The following SEMA6D variants were observed in gnomAD, a reference collection of about 807,000 sequenced individuals.
The protein encoded by SEMA6D is semaphorin-6D.
A neutral mutation model predicts 106.6 loss-of-function variants in SEMA6D; 35 were observed. That is an observed-to-expected ratio of 0.33 (90% CI 0.25 to 0.44). The LOEUF is 0.44. Among genes scored for constraint, SEMA6D ranks in the 20% least tolerant of loss-of-function variants. The pLI, the probability that SEMA6D is intolerant of heterozygous loss-of-function variation, is 1.00. For synonymous variants in SEMA6D, 499 were observed against 487.7 expected, an observed-to-expected ratio of 1.02 and a Z score of -0.31; for missense variants, 1,185 against 1,345.9, an observed-to-expected ratio of 0.88 and a Z score of 1.87.
At chr15:47,739,890 A>G (rs4775706) in intron 1 of SEMA6D, among the ~76,000 whole-genome samples, 31,679 of 152,202 alleles carry the variant, frequency 0.21, 3,805 homozygotes, top group Middle Eastern at 0.28. Flanking sequence ...AATAGCTAAT[A>G]CTAATTGTAC....
intron 2 of SEMA6D, among the ~76,000 whole-genome samples, chr15:47,453,429 G>A (rs1169372611): frequency 6.6e-6 from 1 of 151,924 alleles, no homozygotes; most frequent in Non-Finnish European, 1.5e-5. Context: ...TAGAGGTTAT[G>A]ACAACAGCTA....
intron 1 of SEMA6D, among the ~76,000 whole-genome samples, chr15:47,398,983 T>C (rs1483705922): frequency 6.6e-6 from 1 of 152,198 alleles, no homozygotes; most frequent in Non-Finnish European, 1.5e-5. Context: ...AATACATTAC[T>C]GAAATACTGA....
intron 3 of SEMA6D, among the ~76,000 whole-genome samples, chr15:47,489,204 C>T (rs1279207204): frequency 6.6e-6 from 1 of 152,130 alleles, no homozygotes; most frequent in African/African-American, 2.4e-5. Flanking sequence ...AGCCAAGGAA[C>T]ACTTGGAGCC....
At chr15:47,534,433 G>A (rs1021323092) in intron 3 of SEMA6D, among the ~76,000 whole-genome samples, 1 of 151,928 alleles carries the variant, frequency 6.6e-6, no homozygotes, top group Non-Finnish European at 1.5e-5. Context: ...TCCACCCACC[G>A]CAGCCTCCCA....
intron 1 of SEMA6D, among the ~76,000 whole-genome samples, chr15:47,412,202 G>A (rs1442541917): frequency 1.3e-5 from 2 of 152,032 alleles, no homozygotes; most frequent in Non-Finnish European, 2.9e-5. Context: ...CAGTCTCATA[G>A]TTAGGGCAGA....
At chr15:47,198,386 C>A (rs920623369) in intron 1 of SEMA6D, among the ~76,000 whole-genome samples, 7 of 151,908 alleles carry the variant, frequency 4.6e-5, no homozygotes, top group African/African-American at 1.7e-4. Flanking sequence ...TTGATTATAC[C>A]ATTCAAAGTA....
At chr15:47,459,001 A>G (rs2042423035) in intron 2 of SEMA6D, among the ~76,000 whole-genome samples, 2 of 152,082 alleles carry the variant, frequency 1.3e-5, no homozygotes, top group African/African-American at 4.8e-5. Context: ...TTGAGCGTGA[A>G]TGGGACCTGT....
chr15:47,728,901 C>G (rs2079942275), intron 1 of SEMA6D, among the ~76,000 whole-genome samples: 1 of 152,224 alleles, frequency 6.6e-6, no homozygotes, highest in South Asian at 2.1e-4. Flanking sequence ...CTTCGGACCA[C>G]TCAGATAATC....
intron 1 of SEMA6D, among the ~76,000 whole-genome samples, chr15:47,286,204 C>T (rs953526509): frequency 6.6e-6 from 1 of 152,282 alleles, no homozygotes; most frequent in South Asian, 2.1e-4. Context: ...TGAGTAGATT[C>T]TTCCAGTCTA....
intron 1 of SEMA6D, among the ~76,000 whole-genome samples, chr15:47,256,951 A>G (rs1318465385): frequency 1.3e-5 from 2 of 152,196 alleles, no homozygotes; most frequent in Non-Finnish European, 2.9e-5. Context: ...GCAAATCAGA[A>G]CAACATAATT....
chr15:47,534,375 G>T (rs530056144), intron 3 of SEMA6D, among the ~76,000 whole-genome samples: 2 of 151,694 alleles, frequency 1.3e-5, no homozygotes, highest in Non-Finnish European at 2.9e-5. Context: ...TAGAGATGAG[G>T]TTTCACCATA....
At chr15:47,431,200 A>C (rs1393568453) in intron 2 of SEMA6D, among the ~76,000 whole-genome samples, 7 of 152,272 alleles carry the variant, frequency 4.6e-5, no homozygotes, top group Admixed American at 2.6e-4. Flanking sequence ...TAATAATGTG[A>C]GTCTTAAGAT....
intron 3 of SEMA6D, among the ~76,000 whole-genome samples, chr15:47,585,277 G>A (rs2076318356): frequency 6.6e-6 from 1 of 152,184 alleles, no homozygotes; most frequent in African/African-American, 2.4e-5. Flanking sequence ...TGCTTCTAGT[G>A]GTACCTAAAT....
At chr15:47,628,526 C>A (rs570129604) in intron 4 of SEMA6D, among the ~76,000 whole-genome samples, 12 of 152,124 alleles carry the variant, frequency 7.9e-5, no homozygotes, top group Non-Finnish European at 1.0e-4. Context: ...TGTTAAACAT[C>A]TTTTCATGGG....
At chr15:47,227,416 T>G (rs2031760884) in intron 1 of SEMA6D, among the ~76,000 whole-genome samples, 1 of 30,276 alleles carries the variant, frequency 3.3e-5, no homozygotes, top group Non-Finnish European at 7.0e-5. Context: ...TCTTTCTTTC[T>G]TTCTCTTTCT....
At chr15:47,640,311 A>C (rs779064563) in intron 4 of SEMA6D, among the ~76,000 whole-genome samples, 3 of 152,144 alleles carry the variant, frequency 2.0e-5, no homozygotes, top group Non-Finnish European at 4.4e-5. Flanking sequence ...GGGACTAACC[A>C]AGGTGTCTCA....
intron 1 of SEMA6D, among the ~76,000 whole-genome samples, chr15:47,369,408 A>C (rs2039185925): frequency 6.6e-6 from 1 of 152,194 alleles, no homozygotes. Flanking sequence ...ATTTTTAAAA[A>C]TCTTAGAAAA....
intron 3 of SEMA6D, among the ~76,000 whole-genome samples, chr15:47,594,632 A>G (rs1437329298): frequency 6.6e-6 from 1 of 152,210 alleles, no homozygotes; most frequent in Non-Finnish European, 1.5e-5. Flanking sequence ...ATGTTTATTA[A>G]GTAAGTGGCA....
chr15:47,356,975 A>C (rs2038598735), intron 1 of SEMA6D, among the ~76,000 whole-genome samples: 1 of 152,242 alleles, frequency 6.6e-6, no homozygotes, highest in Non-Finnish European at 1.5e-5. Context: ...TGACTACCCC[A>C]AATGAGCAGA....
Sources: gnomAD v4.1 joint callset for allele counts (sites outside exome capture counted in the v4.1 genomes callset) on GRCh38, gnomAD v4.1.1 for gene constraint, MANE v1.5 for transcripts, NCBI Gene and HGNC (gene_info 2026-07-23, HGNC 2026-07-21) for gene names.